THTPA: variants seen among roughly 807,000 people sequenced by gnomAD.
The protein encoded by THTPA is thiamine-triphosphatase.
In THTPA, 16 loss-of-function variants were observed where a neutral mutation model predicts 16.5. The ratio of observed to expected loss-of-function variants is 0.97; its 90% CI spans 0.66 to 1.47. The LOEUF is 1.47. Ranked by LOEUF, THTPA falls within the 40% of genes most tolerant of loss-of-function variation. The probability of loss-of-function intolerance (pLI) is 0.00; values close to 1 mark genes in which losing one functional copy is unlikely to be tolerated. For synonymous variants in THTPA, 110 were observed against 115.5 expected, an observed-to-expected ratio of 0.95 and a Z score of 0.30; for missense variants, 281 against 280.9, an observed-to-expected ratio of 1.00 and a Z score of 0.00.
the THTPA span, chr14:23,524,702 G>A: frequency 6.5e-7 from 1 of 1,536,286 alleles, no homozygotes; most frequent in East Asian, 2.4e-5. The surrounding 1 kb of genome is among the most constrained non-coding windows in gnomAD (Gnocchi z 5.6). Context: ...TGTTGCCTCT[G>A]CTTGGCTCAG....
At chr14:23,551,748 C>T, upstream of THTPA, 1 of 153,398 alleles carries the variant, frequency 6.5e-6, no homozygotes, top group Non-Finnish European at 1.5e-5. The surrounding 1 kb of genome is among the most constrained non-coding windows in gnomAD (Gnocchi z 5.3). Context: ...GGAGTCTAGG[C>T]GTCCCACACA....
At chr14:23,512,618 C>T in the THTPA span, among the ~76,000 whole-genome samples, 1 of 149,982 alleles carries the variant, frequency 6.7e-6, no homozygotes, top group Non-Finnish European at 1.5e-5. Flanking sequence ...CCTCTGCCTG[C>T]CATAAATATT....
At chr14:23,530,431 C>G in the THTPA span, 6 of 680,534 alleles carry the variant, frequency 8.8e-6, no homozygotes, top group Admixed American at 2.0e-5. Context: ...GAGTCCAGTT[C>G]CTGTCCTTTT....
the THTPA span, among the ~76,000 whole-genome samples, chr14:23,527,290 C>T: frequency 9.9e-5 from 15 of 152,196 alleles, no homozygotes; most frequent in African/African-American, 3.4e-4. Flanking sequence ...AAGCCTCTGC[C>T]TCATCTCTTA....
At chr14:23,553,292 A>G (rs1882106673), upstream of THTPA, among the ~76,000 whole-genome samples, 1 of 152,190 alleles carries the variant, frequency 6.6e-6, no homozygotes, top group Admixed American at 6.5e-5. Flanking sequence ...GGCAGGCCAC[A>G]TTTTCTCAAT....
chr14:23,535,349 C>T, the THTPA span: 1 of 1,441,610 alleles, frequency 6.9e-7, no homozygotes, highest in Non-Finnish European at 9.1e-7. This position sits in a 1 kb window ranked among gnomAD's most constrained non-coding sequence, Gnocchi z 4.5. Context: ...GTGCTGGGGG[C>T]TCATGTCAGC....
At position 23,558,742 on chromosome 14, in the gene THTPA, C is replaced by T. The variant is rs1566605175; in HGVS notation, c.595C>T (p.Gln199Ter). ...ACCAGCCAAGCTGATTGTGTATCTACAGCGTTTCCGGCCTCAAGACTATCA... is the reference window on the plus strand; with the variant it reads ...ACCAGCCAAGCTGATTGTGTATCTATAGCGTTTCCGGCCTCAAGACTATCA... ...TAPAKLIVYL[Q>*]RFRPQDYQRL... is the part of the protein sequence containing the mutation. Residue 199 changes from glutamine (Q) to a stop codon, truncating the protein, a stop_gained, in exon 2 of 2, where the codon CAG (glutamine) becomes TAG (stop). Transcript: ENST00000288014. LOFTEE classifies it low-confidence loss of function (END_TRUNC). 1 of 1,614,262 alleles carries T rather than the reference C, an allele frequency of 6.2e-7. No individual in the cohort carries two copies. Among genetic ancestry groups the T allele is most frequent in the Non-Finnish European group, 8.5e-7 (1 of 1,180,048 alleles).
chr14:23,518,565 A>G, the THTPA span, among the ~76,000 whole-genome samples: 3 of 152,232 alleles, frequency 2.0e-5, no homozygotes, highest in Non-Finnish European at 4.4e-5. The surrounding 1 kb of genome is among the most constrained non-coding windows in gnomAD (Gnocchi z 4.5). Flanking sequence ...ATCCTCACAC[A>G]GACTCTGGTT....
At chr14:23,519,524 A>G in the THTPA span, among the ~76,000 whole-genome samples, 1 of 152,182 alleles carries the variant, frequency 6.6e-6, no homozygotes, top group African/African-American at 2.4e-5. Context: ...CCCGGTGGCC[A>G]GTTTCTCTCC....
the THTPA span, chr14:23,531,679 C>T: frequency 1.4e-6 from 2 of 1,416,768 alleles, no homozygotes; most frequent in South Asian, 3.1e-5. Flanking sequence ...TGGTATAGCC[C>T]CAGCTCTGCC....
chr14:23,555,474 C>A (rs1382174748), upstream of THTPA, among the ~76,000 whole-genome samples: 1 of 152,178 alleles, frequency 6.6e-6, no homozygotes, highest in Non-Finnish European at 1.5e-5. Flanking sequence ...TGGGCCTTTG[C>A]TTAGGCTATT....
chr14:23,535,472 A>G, the THTPA span: 1 of 1,012,930 alleles, frequency 9.9e-7, no homozygotes, highest in Non-Finnish European at 1.3e-6. This position sits in a 1 kb window ranked among gnomAD's most constrained non-coding sequence, Gnocchi z 4.5. Context: ...TCTTCCCTGA[A>G]CACCAGACTC....
the THTPA span, chr14:23,530,385 TTAGAACTGG>T: frequency 2.9e-6 from 2 of 698,702 alleles, no homozygotes; most frequent in African/African-American, 3.6e-5. Flanking sequence ...AATTACAGTA[TTAGAACTGG>T]TAGGGCCTAA....
chr14:23,531,375 A>G, the THTPA span: 1 of 1,326,118 alleles, frequency 7.5e-7, no homozygotes, highest in South Asian at 2.2e-5. Flanking sequence ...GGTGGCCTAC[A>G]GGCCCTCTTC....
chr14:23,516,604 A>G, the THTPA span, among the ~76,000 whole-genome samples: 46 of 152,196 alleles, frequency 3.0e-4, no homozygotes, highest in Non-Finnish European at 3.1e-4. Context: ...TAGGTTAGGA[A>G]CATTGTCAAG....
At chr14:23,557,405 ATTTTT>A in intron 1 of THTPA, 101 bp downstream of exon 1, 1 of 1,209,496 alleles carries the variant, frequency 8.3e-7, no homozygotes, top group Non-Finnish European at 1.1e-6. Context: ...CGGATTAAAA[ATTTTT>A]TTTTTAATAG....
the THTPA span, chr14:23,522,816 A>C: frequency 2.6e-6 from 4 of 1,535,416 alleles, no homozygotes; most frequent in African/African-American, 5.5e-5. Context: ...CCTGCTGTGG[A>C]GGTGTTGGTT....
chr14:23,546,150 T>C, the THTPA span, among the ~76,000 whole-genome samples: 1 of 152,208 alleles, frequency 6.6e-6, no homozygotes, highest in Admixed American at 6.5e-5. The surrounding 1 kb of genome is among the most constrained non-coding windows in gnomAD (Gnocchi z 4.7). Flanking sequence ...GACCAGACTC[T>C]CCATGCATAA....
At chr14:23,512,324 TACAC>T in the THTPA span, among the ~76,000 whole-genome samples, 2 of 151,370 alleles carry the variant, frequency 1.3e-5, no homozygotes, top group Non-Finnish European at 2.9e-5. Context: ...CGCACACGTA[TACAC>T]ACACACACAA....
Sources: gnomAD v4.1 joint callset for allele counts (sites outside exome capture counted in the v4.1 genomes callset) on GRCh38, gnomAD v4.1.1 for gene constraint, Gnocchi (gnomAD v3.1) non-coding constraint, MANE v1.5 for transcripts, NCBI Gene and HGNC (gene_info 2026-07-23, HGNC 2026-07-21) for gene names.